Variants in GREM2 observed in about 807,000 individuals in gnomAD.
The protein encoded by GREM2 is gremlin-2.
Under a neutral mutation model 14.2 loss-of-function variants are expected in GREM2, and 11 were observed. The ratio of observed to expected loss-of-function variants is 0.78; its 90% confidence interval spans 0.49 to 1.28. The LOEUF (loss-of-function observed/expected upper bound fraction) is 1.28. Ranked by LOEUF, GREM2 falls within the 50% of genes most tolerant of loss-of-function variation. The probability of loss-of-function intolerance (pLI) is 0.00; values close to 1 mark genes in which losing one functional copy is unlikely to be tolerated. For synonymous variants in GREM2, 98 were observed against 97.6 expected, an observed-to-expected ratio of 1.00 and a Z score of -0.02; for missense variants, 210 against 218.5, an observed-to-expected ratio of 0.96 and a Z score of 0.24.
intron 1 of GREM2, among the ~76,000 whole-genome samples, chr1:240,585,548 G>A (rs1412379070): frequency 4.0e-5 from 6 of 151,710 alleles, no homozygotes; most frequent in Admixed American, 6.6e-5. Context: ...TGGCCAACAC[G>A]GTGAAACCCC....
intron 1 of GREM2, among the ~76,000 whole-genome samples, chr1:240,499,643 C>T (rs1024174942): frequency 5.3e-5 from 8 of 152,286 alleles, no homozygotes; most frequent in African/African-American, 1.4e-4. Context: ...AGACAGAGGT[C>T]GATGTTTCTT....
intron 1 of GREM2, among the ~76,000 whole-genome samples, chr1:240,561,365 TG>T (rs954991797): frequency 5.3e-5 from 8 of 152,162 alleles, no homozygotes; most frequent in African/African-American, 1.9e-4. Context: ...GGATTTTGTG[TG>T]GTAAGTTTGA....
At chr1:240,545,331 C>T (rs1678693549) in intron 1 of GREM2, among the ~76,000 whole-genome samples, 3 of 152,220 alleles carry the variant, frequency 2.0e-5, no homozygotes. Flanking sequence ...GATTGGTGCC[C>T]AGGGAGGGCA....
chr1:240,546,055 C>T (rs1196656930), intron 1 of GREM2, among the ~76,000 whole-genome samples: 1 of 152,160 alleles, frequency 6.6e-6, no homozygotes, highest in Non-Finnish European at 1.5e-5. Context: ...TTGTTGCTGG[C>T]CAGGCACGGT....
At chr1:240,544,211 A>G (rs1239898806) in intron 1 of GREM2, among the ~76,000 whole-genome samples, 1 of 149,430 alleles carries the variant, frequency 6.7e-6, no homozygotes, top group Admixed American at 6.7e-5. Context: ...GCAGTGGCGC[A>G]ATCTCGGCTC....
chr1:240,556,440 C>T (rs1678953141), intron 1 of GREM2, among the ~76,000 whole-genome samples: 1 of 152,118 alleles, frequency 6.6e-6, no homozygotes, highest in South Asian at 2.1e-4. Context: ...TTAGTCTTGC[C>T]CTTCAAGTAA....
chr1:240,521,326 T>TG (rs1217516406), intron 1 of GREM2, among the ~76,000 whole-genome samples: 16 of 152,142 alleles, frequency 1.1e-4, no homozygotes, highest in Admixed American at 5.2e-4. Flanking sequence ...CCCAGCACTT[T>TG]AGCAGGCCGA....
chr1:240,591,006 G>T (rs562144962), intron 1 of GREM2, among the ~76,000 whole-genome samples: 9 of 150,866 alleles, frequency 6.0e-5, no homozygotes, highest in East Asian at 4.0e-4. Context: ...GGTCTCAAAT[G>T]CCTGACCTCA....
intron 1 of GREM2, among the ~76,000 whole-genome samples, chr1:240,539,458 A>T (rs1438072196): frequency 2.0e-5 from 3 of 152,204 alleles, no homozygotes; most frequent in Non-Finnish European, 4.4e-5. Context: ...CTTCCTGGAC[A>T]GCCCCTTCCC....
intron 1 of GREM2, among the ~76,000 whole-genome samples, chr1:240,535,569 G>A (rs1477415688): frequency 6.6e-6 from 1 of 152,174 alleles, no homozygotes; most frequent in African/African-American, 2.4e-5. Context: ...GGAGGCCGAG[G>A]CAGGGGGATC....
chr1:240,493,152 CCGCGGGA>C lies in GREM2; in HGVS notation c.317_323del (p.Ile106SerfsTer3). The C allele has an allele frequency of 6.2e-7, 1 of 1,614,190 alleles. No homozygotes were observed. The highest frequency in any genetic ancestry group is 8.5e-7 in the Non-Finnish European group (1 of 1,180,030). ...AGGACTCCTCCTCCTTCTTCACGTG[CCGCGGGA>C]TGTAGAAGGAGTTGCACTGGCCGTA... On this transcript the variant is annotated frameshift_variant, in exon 2 of 2. Coordinates refer to ENST00000318160, the MANE Select transcript of GREM2 (RefSeq NM_022469.4). LOFTEE classifies it high-confidence loss of function.
intron 1 of GREM2, among the ~76,000 whole-genome samples, chr1:240,511,119 T>C (rs1442593516): frequency 6.6e-6 from 1 of 152,206 alleles, no homozygotes; most frequent in East Asian, 1.9e-4. Flanking sequence ...AGTGTACATA[T>C]TAATTTTGGA....
At chr1:240,496,904 C>T (rs1034849070) in intron 1 of GREM2, among the ~76,000 whole-genome samples, 3 of 151,994 alleles carry the variant, frequency 2.0e-5, no homozygotes, top group African/African-American at 7.3e-5. Context: ...CCCAGTAGTC[C>T]CAGCTACTCA....
intron 1 of GREM2, among the ~76,000 whole-genome samples, chr1:240,562,723 GTGTA>G (rs1399270560): frequency 1.3e-4 from 19 of 149,058 alleles, no homozygotes; most frequent in African/African-American, 4.1e-4. Context: ...GTGTGTGTGT[GTGTA>G]TGTGTGTATA....
chr1:240,490,783 C>T lies in GREM2; in HGVS notation c.*2186G>A, dbSNP rs949358453. The T allele has an allele frequency of 6.6e-6, 1 of 152,230 alleles. No individual in the cohort carries two copies. Among genetic ancestry groups the T allele is most frequent in the Admixed American group, 6.5e-5 (1 of 15,290 alleles). 9.4% of individuals were successfully genotyped at this position (152,230 alleles called of 1,614,324 possible). On this transcript the variant is annotated 3_prime_UTR_variant, in exon 2 of 2. Transcript: ENST00000318160. The stretch of plus-strand genomic sequence containing the variant: ...ATCCCTCCCCTATCTGTGTGGGTTC[C>T]ATGTTAATAAAATGATAGGGGTTGG...
At chr1:240,524,449 C>T (rs1008541731) in intron 1 of GREM2, among the ~76,000 whole-genome samples, 1 of 152,108 alleles carries the variant, frequency 6.6e-6, no homozygotes, top group Non-Finnish European at 1.5e-5. Context: ...AACATAGATA[C>T]ATTTGGGAAT....
chr1:240,498,112 G>A (rs1677473885), intron 1 of GREM2, among the ~76,000 whole-genome samples: 1 of 152,174 alleles, frequency 6.6e-6, no homozygotes, highest in Admixed American at 6.5e-5. Flanking sequence ...AGCTGACAGA[G>A]CTAAATCAGA....
intron 1 of GREM2, among the ~76,000 whole-genome samples, chr1:240,559,340 C>CTTTTTT (rs61006579): frequency 6.4e-5 from 7 of 110,132 alleles, no homozygotes; most frequent in Non-Finnish European, 9.1e-5. Context: ...ATCAAAAAGT[C>CTTTTTT]TTTTTTTTTT....
intron 1 of GREM2, among the ~76,000 whole-genome samples, chr1:240,518,763 G>T (rs1299390745): frequency 6.6e-6 from 1 of 152,188 alleles, no homozygotes; most frequent in Admixed American, 6.5e-5. Context: ...TTATGCCATT[G>T]GTCAAAAGAG....
Sources: gnomAD v4.1 joint callset for allele counts (sites outside exome capture counted in the v4.1 genomes callset) on GRCh38, gnomAD v4.1.1 for gene constraint, MANE v1.5 for transcripts, NCBI Gene and HGNC (gene_info 2026-07-23, HGNC 2026-07-21) for gene names.